The following TENT2 variants were observed in gnomAD, a reference collection of about 807,000 sequenced individuals.
TENT2 encodes the protein poly(A) RNA polymerase GLD2.
TENT2 carries 44 observed loss-of-function variants against 72.2 expected under a neutral mutation model. The ratio of observed to expected loss-of-function variants is 0.61; its 90% confidence interval spans 0.48 to 0.78. The LOEUF (loss-of-function observed/expected upper bound fraction) is 0.78. Among genes scored for constraint, TENT2 ranks in the 30% least tolerant of loss-of-function variants. The probability of loss-of-function intolerance (pLI) is 0.00; values close to 1 mark genes in which losing one functional copy is unlikely to be tolerated. For synonymous variants in TENT2, 212 were observed against 192.5 expected, an observed-to-expected ratio of 1.10 and a Z score of -0.84; for missense variants, 541 against 569.6, an observed-to-expected ratio of 0.95 and a Z score of 0.51.
chr5:79,650,010 A>G (rs141039997), intron 10 of TENT2, among the ~76,000 whole-genome samples: 8 of 152,232 alleles, frequency 5.3e-5, no homozygotes, highest in Admixed American at 2.6e-4. Flanking sequence ...GAGATGTTTA[A>G]TAACTAACCA....
At chr5:79,658,491 T>C (rs1326011313) in intron 11 of TENT2, among the ~76,000 whole-genome samples, 1 of 152,048 alleles carries the variant, frequency 6.6e-6, no homozygotes, top group African/African-American at 2.4e-5. Flanking sequence ...ACACCCAGCC[T>C]GTTGGCCTTA....
chr5:79,667,426 T>TA (rs781624545), intron 11 of TENT2, among the ~76,000 whole-genome samples: 8 of 152,190 alleles, frequency 5.3e-5, no homozygotes, highest in Non-Finnish European at 1.2e-4. Flanking sequence ...AAGTAAGAGT[T>TA]AAAGGGGAAT....
At chr5:79,615,715 T>TC (rs556798930) in intron 1 of TENT2, among the ~76,000 whole-genome samples, 1 of 149,288 alleles carries the variant, frequency 6.7e-6, no homozygotes, top group East Asian at 1.9e-4. Context: ...TTTTCTTTTT[T>TC]TTTTTTGTTT....
At position 79,641,207 on chromosome 5, in the gene TENT2, A is replaced by C. The variant is rs377312282; in HGVS notation, c.672+11A>C. 9.1e-5 allele frequency: 140 copies of C among 1,534,216 alleles called. 1 individual carries two copies. Among genetic ancestry groups the C allele is most frequent in the Middle Eastern group, 6.8e-4 (4 of 5,876 alleles). On this transcript the variant is annotated intron_variant, in intron 6 of 14. Coordinates refer to ENST00000453514, the MANE Select transcript of TENT2 (RefSeq NM_001114394.3). ...GTTAAGGAAGAACCAGTAAGTAAGG[A>C]AACATTTATTCCAAGTGTGTTTCTC...
intron 4 of TENT2, among the ~76,000 whole-genome samples, chr5:79,625,295 A>C (rs1768561036): frequency 6.6e-6 from 1 of 152,150 alleles, no homozygotes; most frequent in Non-Finnish European, 1.5e-5. Context: ...TATGCATTCT[A>C]CATATTAGAC....
At chr5:79,648,733 TC>T (rs774718881) in intron 9 of TENT2, 40 bp downstream of exon 9, 25 of 1,426,846 alleles carry the variant, frequency 1.8e-5, no homozygotes, top group African/African-American at 2.9e-5. Context: ...AGCCTTTTTT[TC>T]TTTATTCATT....
At position 79,668,964 on chromosome 5, in the gene TENT2, A is replaced by G. The variant is rs747082021; in HGVS notation, c.1144A>G (p.Lys382Glu). Residue 382 changes from lysine to glutamate, a missense_variant, in exon 12 of 15, where the codon AAG becomes GAG. Lys to Glu is a moderately conservative substitution (Grantham distance 56). Coordinates refer to ENST00000453514, the MANE Select transcript of TENT2 (RefSeq NM_001114394.3). ...APCNVPPYLS[K>E]NESNLGDLLL... The stretch of plus-strand genomic sequence containing the variant: ...ATGTAATGTTCCTCCTTACCTCTCA[A>G]AGAATGAATCAAACCTTGGGGACCT... 1 of 1,613,828 alleles carries G rather than the reference A, an allele frequency of 6.2e-7. No homozygotes were observed.
chr5:79,631,241 T>C (rs1775256303), intron 4 of TENT2, among the ~76,000 whole-genome samples: 4 of 152,250 alleles, frequency 2.6e-5, no homozygotes, highest in Middle Eastern at 3.4e-3. Flanking sequence ...TGAAAACCAT[T>C]GGGTTCGATT....
intron 9 of TENT2, 134 bp from the exon 10 acceptor site, chr5:79,648,928 C>T: frequency 2.8e-6 from 3 of 1,070,000 alleles, no homozygotes. Flanking sequence ...ACATAAGACA[C>T]AAAGTGAACA....
chr5:79,643,748 A>T (rs554512371), intron 7 of TENT2, among the ~76,000 whole-genome samples: 13 of 152,290 alleles, frequency 8.5e-5, no homozygotes, highest in South Asian at 4.1e-4. Context: ...AGCTATTTGA[A>T]TCAAAATATT....
chr5:79,642,975 A>C, intron 7 of TENT2, 65 bp downstream of exon 7: 1 of 1,578,186 alleles, frequency 6.3e-7, no homozygotes, highest in Non-Finnish European at 8.6e-7. Context: ...TGCCTCTTAC[A>C]TTATCTTCTG....
chr5:79,661,669 A>G (rs760734078), intron 11 of TENT2, among the ~76,000 whole-genome samples: 6 of 152,230 alleles, frequency 3.9e-5, no homozygotes, highest in Non-Finnish European at 7.3e-5. Flanking sequence ...AATGCTAACA[A>G]TCAGCTGAGC....
intron 11 of TENT2, among the ~76,000 whole-genome samples, chr5:79,667,667 T>A (rs1386992138): frequency 6.6e-6 from 1 of 152,168 alleles, no homozygotes; most frequent in Non-Finnish European, 1.5e-5. Context: ...TTCATAGTAG[T>A]TAACAATTAT....
chr5:79,649,583 A>G (rs1792050134), intron 10 of TENT2, among the ~76,000 whole-genome samples: 1 of 152,110 alleles, frequency 6.6e-6, no homozygotes, highest in Non-Finnish European at 1.5e-5. Context: ...TTGGTTAAAG[A>G]AGCTTTTAAT....
intron 4 of TENT2, among the ~76,000 whole-genome samples, chr5:79,627,933 A>G (rs909911332): frequency 6.6e-6 from 1 of 152,222 alleles, no homozygotes; most frequent in Non-Finnish European, 1.5e-5. Flanking sequence ...TACATATGCT[A>G]TCTCATTTAG....
intron 1 of TENT2, among the ~76,000 whole-genome samples, chr5:79,618,970 A>G (rs1395169882): frequency 1.3e-5 from 2 of 152,134 alleles, no homozygotes; most frequent in Admixed American, 6.5e-5. Flanking sequence ...ACTTTATCCT[A>G]TCCTTTGCAA....
intron 11 of TENT2, among the ~76,000 whole-genome samples, chr5:79,662,551 G>A (rs1803883594): frequency 6.6e-6 from 1 of 152,114 alleles, no homozygotes; most frequent in South Asian, 2.1e-4. Context: ...GTGTTAGCAG[G>A]CATGAAAACA....
At chr5:79,648,098 T>C (rs1226507538) in intron 8 of TENT2, among the ~76,000 whole-genome samples, 2 of 152,196 alleles carry the variant, frequency 1.3e-5, no homozygotes, top group African/African-American at 4.8e-5. Context: ...GATAACTTGC[T>C]CAGAAATGTT....
intron 11 of TENT2, among the ~76,000 whole-genome samples, chr5:79,659,343 G>T (rs1017076877): frequency 1.3e-5 from 2 of 150,846 alleles, no homozygotes; most frequent in Non-Finnish European, 3.0e-5. Flanking sequence ...GACCAGCCTG[G>T]CCAAGATAGT....
Sources: gnomAD v4.1 joint callset for allele counts (sites outside exome capture counted in the v4.1 genomes callset) on GRCh38, gnomAD v4.1.1 for gene constraint, MANE v1.5 for transcripts, NCBI Gene and HGNC (gene_info 2026-07-23, HGNC 2026-07-21) for gene names.